DENND2B: variants seen among roughly 807,000 people sequenced by gnomAD.
DENND2B encodes the protein DENN domain-containing protein 2B.
In DENND2B, 32 loss-of-function variants were observed where a neutral mutation model predicts 116.0. The observed-to-expected ratio is 0.28, with a 90% CI of 0.21 to 0.37. DENND2B has a LOEUF of 0.37. Among genes scored for constraint, DENND2B ranks in the 10% least tolerant of loss-of-function variants. DENND2B has a pLI of 1.00. For missense variants in DENND2B, 1,276 were observed against 1,477.7 expected (o/e 0.86, Z 2.24); for synonymous variants, 588 against 583.9 (o/e 1.01, Z -0.10).
At chr11:8,778,606 C>G (rs1161645768) in intron 1 of DENND2B, among the ~76,000 whole-genome samples, 1 of 152,226 alleles carries the variant, frequency 6.6e-6, no homozygotes, top group African/African-American at 2.4e-5. Context: ...CAGGGAAGGG[C>G]TGGTAAATGA....
intron 1 of DENND2B, among the ~76,000 whole-genome samples, chr11:8,799,167 G>T (rs1360126407): frequency 6.6e-6 from 1 of 152,086 alleles, no homozygotes; most frequent in Non-Finnish European, 1.5e-5. Flanking sequence ...TTCCCCCTGG[G>T]TACTTATTAG....
chr11:8,706,098 A>G (rs981125714), intron 13 of DENND2B, among the ~76,000 whole-genome samples: 1 of 152,000 alleles, frequency 6.6e-6, no homozygotes, highest in Non-Finnish European at 1.5e-5. Flanking sequence ...TACAAAAGTC[A>G]GCTGGGTTTG....
intron 4 of DENND2B, among the ~76,000 whole-genome samples, chr11:8,720,458 T>C (rs1403156332): frequency 6.6e-6 from 1 of 152,226 alleles, no homozygotes; most frequent in Non-Finnish European, 1.5e-5. Flanking sequence ...AGATAGGTCC[T>C]GTCTCTGGAA....
intron 1 of DENND2B, among the ~76,000 whole-genome samples, chr11:8,772,733 C>G (rs1472807112): frequency 1.3e-5 from 2 of 152,068 alleles, no homozygotes; most frequent in African/African-American, 2.4e-5. Context: ...CTGGGCGGCT[C>G]CAGCGTTCCA....
rs554334802 is a variant in DENND2B, at chr11:8,818,833, GT to G, written c.-114-7499del. Among the ~76,000 whole-genome samples the G allele has an allele frequency of 2.3e-3, 344 of 152,176 alleles. 2 individuals are homozygous for G. The highest frequency in any genetic ancestry group is 8.0e-3 in the African/African-American group (334 of 41,508). ...CAACTAATCAATCCAACTAAAAAGG[GT>G]ATTAATAATGTCACCACAGAACCTA... On this transcript the variant is annotated intron_variant, in intron 4 of 6. Transcript: ENST00000524757.
intron 4 of DENND2B, among the ~76,000 whole-genome samples, chr11:8,834,140 T>G (rs1422618063): frequency 6.6e-6 from 1 of 152,140 alleles, no homozygotes; most frequent in Non-Finnish European, 1.5e-5. Context: ...AGCAAGAACA[T>G]CTGGATAAGC....
At chr11:8,765,172 C>A (rs2055466458) in intron 1 of DENND2B, among the ~76,000 whole-genome samples, 1 of 152,156 alleles carries the variant, frequency 6.6e-6, no homozygotes, top group African/African-American at 2.4e-5. Context: ...TTCCCCCTAA[C>A]AATGCAGTCT....
intron 1 of DENND2B, among the ~76,000 whole-genome samples, chr11:8,903,284 G>A (rs906414857): frequency 3.3e-5 from 5 of 152,056 alleles, no homozygotes; most frequent in Admixed American, 6.6e-5. Flanking sequence ...GTGGTGGCAT[G>A]CACCTGTAAT....
At chr11:8,719,286 T>G in intron 4 of DENND2B, 1 of 958,386 alleles carries the variant, frequency 1.0e-6, no homozygotes. Context: ...CATCTACTTA[T>G]GCAGAACCAC....
At chr11:8,807,649 A>T (rs1382121664) in intron 1 of DENND2B, among the ~76,000 whole-genome samples, 1 of 152,124 alleles carries the variant, frequency 6.6e-6, no homozygotes, top group African/African-American at 2.4e-5. Flanking sequence ...GAGAACAGGA[A>T]TGTTACTTTT....
chr11:8,703,846 A>G (rs532582261), intron 13 of DENND2B, among the ~76,000 whole-genome samples: 3 of 152,300 alleles, frequency 2.0e-5, no homozygotes, highest in South Asian at 4.1e-4. Context: ...GTACTCCCAG[A>G]AGGCCCAGTG....
chr11:8,838,795 G>C (rs1594187783), intron 4 of DENND2B, among the ~76,000 whole-genome samples: 1 of 150,838 alleles, frequency 6.6e-6, no homozygotes, highest in Non-Finnish European at 1.5e-5. Context: ...GAAAACTTAG[G>C]AGGACTATCT....
At chr11:8,776,160 G>GCGCA (rs1555185787) in intron 1 of DENND2B, 3 of 390,478 alleles carry the variant, frequency 7.7e-6, no homozygotes, top group African/African-American at 4.7e-5. Flanking sequence ...GCGCGCGCGC[G>GCGCA]CACACACACA....
At chr11:8,750,755 G>A (rs922359420) in intron 1 of DENND2B, 30 bp from the exon 2 acceptor site, 1 of 1,607,198 alleles carries the variant, frequency 6.2e-7, no homozygotes, top group South Asian at 1.1e-5. Context: ...GGTAAGCCAA[G>A]TTTCTATAGG....
intron 14 of DENND2B, among the ~76,000 whole-genome samples, chr11:8,701,167 GC>G (rs1458551744): frequency 3.9e-5 from 6 of 152,162 alleles, no homozygotes; most frequent in Non-Finnish European, 8.8e-5. Context: ...CCTTTGATAT[GC>G]AAATGAAGAC....
intron 2 of DENND2B, among the ~76,000 whole-genome samples, chr11:8,745,066 A>G (rs759773108): frequency 2.0e-5 from 3 of 151,804 alleles, no homozygotes; most frequent in Non-Finnish European, 2.9e-5. Context: ...ACAGGCATGC[A>G]CCACCACACC....
Position 8,761,687 on chromosome 11 carries a change from C to T in DENND2B, c.-25-10962G>A, listed in dbSNP as rs148310031. On this transcript the variant is annotated intron_variant, in intron 1 of 19. Transcript: ENST00000313726. ...CCTGACCTCCTTCTCACCCTTCCCA[C>T]GCTCTCTGGTCTAGCTGAGCTCAAC... 1.2e-4 allele frequency among the ~76,000 whole-genome samples: 19 copies of T among 152,330 alleles called. No individual in the cohort carries two copies. In the South Asian group the frequency reaches 1.4e-3, roughly 12 times the overall value.
chr11:8,706,266 AAAATG>A (rs2042584863), intron 13 of DENND2B, among the ~76,000 whole-genome samples: 1 of 152,212 alleles, frequency 6.6e-6, no homozygotes, highest in African/African-American at 2.4e-5. Context: ...TCAAAAAAAT[AAAATG>A]AAATGAAAAT....
intron 1 of DENND2B, among the ~76,000 whole-genome samples, chr11:8,779,193 G>A (rs1425220093): frequency 4.6e-5 from 7 of 152,242 alleles, no homozygotes; most frequent in African/African-American, 1.7e-4. Flanking sequence ...CGGGGCTTCT[G>A]TGGGAGAGGA....
Sources: gnomAD v4.1 joint callset for allele counts (sites outside exome capture counted in the v4.1 genomes callset) on GRCh38, gnomAD v4.1.1 for gene constraint, MANE v1.5 for transcripts, NCBI Gene and HGNC (gene_info 2026-07-23, HGNC 2026-07-21) for gene names.